LHFPL3: variants seen among roughly 807,000 people sequenced by gnomAD.
The protein encoded by LHFPL3 is LHFPL tetraspan subfamily member 3 protein.
A neutral mutation model predicts 19.3 loss-of-function variants in LHFPL3; 5 were observed. The ratio of observed to expected loss-of-function variants is 0.26; its 90% CI spans 0.14 to 0.54. The LOEUF is 0.54. Among genes scored for constraint, LHFPL3 ranks in the 20% least tolerant of loss-of-function variants. The pLI is 0.94. For missense variants in LHFPL3, 249 were observed against 307.4 expected, an observed-to-expected ratio of 0.81 and a Z score of 1.42; for synonymous variants, 133 against 126.2, an observed-to-expected ratio of 1.05 and a Z score of -0.36.
intron 1 of LHFPL3, among the ~76,000 whole-genome samples, chr7:104,610,849 A>T (rs1162609597): frequency 6.6e-6 from 1 of 152,250 alleles, no homozygotes. Context: ...AAGTTAGTGC[A>T]TACAGTTAAC....
chr7:104,351,139 A>G (rs6465982), intron 1 of LHFPL3, among the ~76,000 whole-genome samples: 96,268 of 151,940 alleles, frequency 0.63, 31,444 homozygotes, highest in East Asian at 0.88. Context: ...CCAGGCAATG[A>G]GAAGGGAATG....
intron 1 of LHFPL3, among the ~76,000 whole-genome samples, chr7:104,353,363 A>G (rs1271810804): frequency 1.3e-5 from 2 of 152,222 alleles, no homozygotes; most frequent in Non-Finnish European, 2.9e-5. Context: ...ATGGTAAGGT[A>G]TCCAAGGGAC....
chr7:104,723,715 A>G (rs1338234861), intron 1 of LHFPL3, among the ~76,000 whole-genome samples: 1 of 101,964 alleles, frequency 9.8e-6, no homozygotes, highest in African/African-American at 4.1e-5. Context: ...GAGCAAGACT[A>G]TGTCTCCAAA....
chr7:104,630,556 G>T (rs1248516313), intron 1 of LHFPL3, among the ~76,000 whole-genome samples: 1 of 152,158 alleles, frequency 6.6e-6, no homozygotes, highest in Non-Finnish European at 1.5e-5. Context: ...ACAGGAGTTG[G>T]ATTTAATAAC....
intron 1 of LHFPL3, among the ~76,000 whole-genome samples, chr7:104,457,340 A>T (rs1011669166): frequency 6.0e-5 from 9 of 151,256 alleles, no homozygotes; most frequent in African/African-American, 1.7e-4. Flanking sequence ...TCGTTGTTCA[A>T]TTCCCACCTA....
chr7:104,527,590 T>G (rs1376192363), intron 1 of LHFPL3, among the ~76,000 whole-genome samples: 2 of 152,024 alleles, frequency 1.3e-5, no homozygotes, highest in Non-Finnish European at 2.9e-5. Context: ...GGACAATAGG[T>G]CAGTTCTTAT....
intron 1 of LHFPL3, among the ~76,000 whole-genome samples, chr7:104,567,377 A>G (rs539493076): frequency 2.6e-5 from 4 of 152,288 alleles, no homozygotes; most frequent in Admixed American, 2.6e-4. Context: ...AGGAGGTGCC[A>G]AGGCAGCTTT....
chr7:104,605,540 T>C (rs184392626), intron 1 of LHFPL3, among the ~76,000 whole-genome samples: 122 of 152,308 alleles, frequency 8.0e-4, no homozygotes, highest in African/African-American at 2.8e-3. Flanking sequence ...TTTATTAGCA[T>C]GTACTTAAAT....
intron 1 of LHFPL3, among the ~76,000 whole-genome samples, chr7:104,518,763 A>T (rs1278268774): frequency 6.6e-6 from 1 of 152,052 alleles, no homozygotes; most frequent in Non-Finnish European, 1.5e-5. Flanking sequence ...CAACCTGGGC[A>T]ACAGAGTGAG....
chr7:104,427,483 A>G (rs114950390), intron 1 of LHFPL3, among the ~76,000 whole-genome samples: 2,858 of 152,314 alleles, frequency 0.019, 96 homozygotes, highest in African/African-American at 0.065. Context: ...CTAGTGTCAG[A>G]TCTTCCCTTA....
intron 1 of LHFPL3, among the ~76,000 whole-genome samples, 185 bp downstream of exon 1, chr7:104,329,409 G>C (rs1035184737): frequency 6.6e-6 from 1 of 152,234 alleles, no homozygotes. Context: ...CCCCAGCCCC[G>C]GCGCTGGCGC....
intron 1 of LHFPL3, among the ~76,000 whole-genome samples, chr7:104,675,592 C>A (rs1484491743): frequency 2.0e-5 from 3 of 152,056 alleles, no homozygotes; most frequent in Admixed American, 1.3e-4. Context: ...TTGCAACAAT[C>A]CAGGTGGGAT....
chr7:104,340,117 G>C (rs1270116417), intron 1 of LHFPL3, among the ~76,000 whole-genome samples: 1 of 151,952 alleles, frequency 6.6e-6, no homozygotes, highest in African/African-American at 2.4e-5. Flanking sequence ...GATGACTTTG[G>C]GTAAGTCATC....
intron 2 of LHFPL3, among the ~76,000 whole-genome samples, chr7:104,876,559 A>G (rs1791946086): frequency 6.6e-6 from 1 of 151,484 alleles, no homozygotes; most frequent in East Asian, 1.9e-4. Flanking sequence ...AGAAATGCAA[A>G]TCAAAACCAC....
intron 2 of LHFPL3, among the ~76,000 whole-genome samples, chr7:104,876,335 G>A (rs891563596): frequency 1.4e-4 from 21 of 152,134 alleles, no homozygotes; most frequent in Non-Finnish European, 2.5e-4. Flanking sequence ...CCATCAGAGT[G>A]AACAGGCAAC....
intron 1 of LHFPL3, among the ~76,000 whole-genome samples, chr7:104,478,123 T>C (rs1196822216): frequency 1.3e-5 from 2 of 152,242 alleles, no homozygotes; most frequent in African/African-American, 4.8e-5. Context: ...GGTGAAGACA[T>C]AATATTTTAA....
intron 1 of LHFPL3, among the ~76,000 whole-genome samples, chr7:104,365,801 A>AAAAAAAAAAAAAAG (rs893610992): frequency 5.6e-5 from 8 of 142,300 alleles, no homozygotes; most frequent in South Asian, 2.2e-4. Flanking sequence ...AAAAAAAAAA[A>AAAAAAAAAAAAAAG]AAAAGAAAAG....
intron 1 of LHFPL3, among the ~76,000 whole-genome samples, chr7:104,689,321 C>T (rs1792864626): frequency 6.6e-6 from 1 of 152,152 alleles, no homozygotes; most frequent in African/African-American, 2.4e-5. Flanking sequence ...AAGCAGCAAT[C>T]AGAATAGTCT....
intron 1 of LHFPL3, among the ~76,000 whole-genome samples, chr7:104,581,814 C>T (rs924562391): frequency 6.6e-6 from 1 of 151,920 alleles, no homozygotes; most frequent in Non-Finnish European, 1.5e-5. Flanking sequence ...GTTTATATTT[C>T]AGCTCTCTAT....
Sources: allele counts gnomAD v4.1 joint callset (sites outside exome capture counted in the v4.1 genomes callset), GRCh38; gene constraint gnomAD v4.1.1; transcripts MANE v1.5; gene names NCBI Gene and HGNC (gene_info 2026-07-23, HGNC 2026-07-21).